INSC: variants seen among roughly 807,000 people sequenced by gnomAD.
INSC encodes INSC spindle orientation adaptor protein, also known as protein inscuteable homolog.
Under a neutral mutation model 58.6 loss-of-function variants are expected in INSC, and 67 were observed. The ratio of observed to expected loss-of-function variants is 1.14; its 90% CI spans 0.94 to 1.40. INSC has a LOEUF of 1.40. INSC is among the 40% of genes most tolerant of loss of function. The probability of loss-of-function intolerance (pLI) is 0.00; values close to 1 mark genes in which losing one functional copy is unlikely to be tolerated. For synonymous variants in INSC, 262 were observed against 276.1 expected, an observed-to-expected ratio of 0.95 and a Z score of 0.51; for missense variants, 714 against 692.0, an observed-to-expected ratio of 1.03 and a Z score of -0.36.
In INSC at chr11:15,190,701, G is replaced by A. The variant is rs1158768270; in HGVS notation, c.580G>A (p.Ala194Thr). 1 of 1,608,686 alleles carries A rather than the reference G, an allele frequency of 6.2e-7. No individual in the cohort carries two copies. Among genetic ancestry groups the A allele is most frequent in the Admixed American group, 1.7e-5 (1 of 60,002 alleles). Residue 194 changes from alanine to threonine, a missense_variant and splice_region_variant, in exon 6 of 13, where the codon GCA becomes ACA. Ala to Thr is a moderately conservative substitution (Grantham distance 58). Coordinates refer to ENST00000379556, the MANE Select transcript of INSC (RefSeq NM_001042536.3). ...AGCTAACTTTTCTCTCTCTTCTTAG[G>A]CACTGGTGAGAAAAATTGATGCCTC... Reference protein sequence around the residue: ...LELALTREVQALVRKIDASDN... With the variant: ...LELALTREVQTLVRKIDASDN...
the INSC span, among the ~76,000 whole-genome samples, chr11:15,264,101 T>C: frequency 4.7e-5 from 6 of 128,762 alleles, no homozygotes; most frequent in South Asian, 1.7e-3. Context: ...TTTTCAAAGG[T>C]CAGTAGCCTT....
chr11:15,115,037 G>T, intron 1 of INSC, 34 bp downstream of exon 1: 1 of 981,560 alleles, frequency 1.0e-6, no homozygotes. Context: ...GGATTCAGGG[G>T]GCTGGTGATG....
intron 1 of INSC, among the ~76,000 whole-genome samples, chr11:15,120,251 G>A (rs1241758155): frequency 2.0e-5 from 3 of 152,216 alleles, no homozygotes; most frequent in Non-Finnish European, 4.4e-5. Flanking sequence ...ATCATTTGCT[G>A]TGCCAGGGTC....
At chr11:15,252,659 C>T in the INSC span, among the ~76,000 whole-genome samples, 1 of 152,146 alleles carries the variant, frequency 6.6e-6, no homozygotes, top group Admixed American at 6.5e-5. Flanking sequence ...TTAGAAGTCA[C>T]TTAGATGACT....
chr11:15,198,508 C>T (rs777894354), intron 6 of INSC, among the ~76,000 whole-genome samples: 18 of 152,144 alleles, frequency 1.2e-4, no homozygotes, highest in Non-Finnish European at 2.1e-4. Flanking sequence ...GCTCAGGCCT[C>T]ATGCGTGTTC....
chr11:15,263,795 G>A, the INSC span, among the ~76,000 whole-genome samples: 1 of 152,104 alleles, frequency 6.6e-6, no homozygotes, highest in Non-Finnish European at 1.5e-5. Flanking sequence ...AGCTCATATG[G>A]TTGTTGGCAT....
chr11:15,236,188 A>G (rs1192086230), intron 10 of INSC, among the ~76,000 whole-genome samples: 1 of 151,954 alleles, frequency 6.6e-6, no homozygotes, highest in Non-Finnish European at 1.5e-5. Context: ...CCTAAATTCT[A>G]GTGGAAGACA....
At chr11:15,185,316 A>G (rs1327904995) in intron 5 of INSC, among the ~76,000 whole-genome samples, 1 of 152,222 alleles carries the variant, frequency 6.6e-6, no homozygotes, top group Non-Finnish European at 1.5e-5. Context: ...CAGAGTTTAC[A>G]TCTAAAATAT....
intron 7 of INSC, among the ~76,000 whole-genome samples, chr11:15,202,824 C>T (rs1352713005): frequency 2.0e-5 from 3 of 152,218 alleles, no homozygotes; most frequent in African/African-American, 7.2e-5. Flanking sequence ...ACCTGTGCAG[C>T]TGGGATGGCT....
chr11:15,208,678 A>G (rs2133901199), intron 7 of INSC, among the ~76,000 whole-genome samples: 1 of 152,344 alleles, frequency 6.6e-6, no homozygotes, highest in South Asian at 2.1e-4. Flanking sequence ...CTTTCCCGCC[A>G]GGTCCAACCT....
At chr11:15,114,703 C>T (rs1847647887), upstream of INSC, among the ~76,000 whole-genome samples, 1 of 152,212 alleles carries the variant, frequency 6.6e-6, no homozygotes, top group Non-Finnish European at 1.5e-5. Context: ...GGAGGGAGGG[C>T]CATGTTTCCC....
At chr11:15,217,692 G>C (rs1851272194) in intron 7 of INSC, among the ~76,000 whole-genome samples, 1 of 152,150 alleles carries the variant, frequency 6.6e-6, no homozygotes, top group Non-Finnish European at 1.5e-5. Context: ...TGGCCCCTAT[G>C]AAAAGATGCT....
intron 3 of INSC, 131 bp from the exon 4 acceptor site, chr11:15,176,980 T>C: frequency 1.3e-6 from 1 of 763,540 alleles, no homozygotes. Flanking sequence ...CACTGTGTTA[T>C]ATTTTAACTG....
chr11:15,129,117 G>A (rs1377125414), intron 1 of INSC, among the ~76,000 whole-genome samples: 2 of 152,124 alleles, frequency 1.3e-5, no homozygotes, highest in African/African-American at 2.4e-5. Flanking sequence ...AGTCAAGAAC[G>A]ACTGGACATT....
the INSC span, among the ~76,000 whole-genome samples, chr11:15,253,996 G>T: frequency 6.6e-6 from 1 of 152,198 alleles, no homozygotes; most frequent in African/African-American, 2.4e-5. Flanking sequence ...TCAGCTCAGT[G>T]GCTCCATTTG....
chr11:15,212,184 C>T (rs1851052782), intron 7 of INSC, among the ~76,000 whole-genome samples: 1 of 152,156 alleles, frequency 6.6e-6, no homozygotes, highest in Non-Finnish European at 1.5e-5. Context: ...TCACTGCAAC[C>T]TCCGCCTCCC....
At chr11:15,200,569 C>G (rs928602782) in intron 6 of INSC, among the ~76,000 whole-genome samples, 15 of 151,984 alleles carry the variant, frequency 9.9e-5, no homozygotes, top group African/African-American at 3.6e-4. Flanking sequence ...GCCCCTGGCT[C>G]CCGAGCCCCA....
intron 1 of INSC, among the ~76,000 whole-genome samples, chr11:15,127,781 G>C (rs1034801257): frequency 6.6e-6 from 1 of 152,144 alleles, no homozygotes; most frequent in Non-Finnish European, 1.5e-5. Flanking sequence ...AAATTCTAGA[G>C]GGAGACTAGA....
At chr11:15,164,756 A>G (rs1439980661) in intron 2 of INSC, among the ~76,000 whole-genome samples, 1 of 152,074 alleles carries the variant, frequency 6.6e-6, no homozygotes, top group Non-Finnish European at 1.5e-5. Flanking sequence ...CCCAAATCTC[A>G]TCTCGAATTA....
Sources: gnomAD v4.1 joint callset for allele counts (sites outside exome capture counted in the v4.1 genomes callset) on GRCh38, gnomAD v4.1.1 for gene constraint, MANE v1.5 for transcripts, NCBI Gene and HGNC (gene_info 2026-07-23, HGNC 2026-07-21) for gene names.